ITGAV: variants seen among roughly 807,000 people sequenced by gnomAD.
ITGAV encodes the protein integrin subunit alpha V, also known as integrin alpha-V.
ITGAV carries 76 observed loss-of-function variants against 143.8 expected under a neutral mutation model. The observed-to-expected ratio is 0.53, with a 90% CI of 0.44 to 0.64. The LOEUF (loss-of-function observed/expected upper bound fraction) is 0.64, where lower values mean the gene tolerates loss of function less well. Among genes scored for constraint, ITGAV ranks in the 30% least tolerant of loss-of-function variants. The probability of loss-of-function intolerance (pLI) is 0.00; values close to 1 mark genes in which losing one functional copy is unlikely to be tolerated. For missense variants in ITGAV, 1,193 were observed against 1,274.7 expected, an observed-to-expected ratio of 0.94 and a Z score of 0.98; for synonymous variants, 453 against 446.7, an observed-to-expected ratio of 1.01 and a Z score of -0.18.
intron 2 of ITGAV, among the ~76,000 whole-genome samples, chr2:186,610,525 A>G (rs780775374): frequency 3.9e-5 from 6 of 152,156 alleles, no homozygotes; most frequent in Non-Finnish European, 7.3e-5. Context: ...AAATATTACA[A>G]CTTGCTTTTG....
chr2:186,616,562 G>A (rs1340147027), intron 2 of ITGAV, among the ~76,000 whole-genome samples: 2 of 152,086 alleles, frequency 1.3e-5, no homozygotes, highest in African/African-American at 4.8e-5. Context: ...ACAGGCGCGA[G>A]CCACCGCGCC....
intron 13 of ITGAV, among the ~76,000 whole-genome samples, chr2:186,648,525 C>G (rs1025386821): frequency 2.6e-5 from 4 of 152,140 alleles, no homozygotes; most frequent in Non-Finnish European, 5.9e-5. Flanking sequence ...AGTGCAGTGG[C>G]GTGATCTCAG....
chr2:186,651,912 C>T, intron 14 of ITGAV, 70 bp from the exon 15 acceptor site: 1 of 898,018 alleles, frequency 1.1e-6, no homozygotes, highest in East Asian at 2.6e-5. Flanking sequence ...GAATATGAAC[C>T]AAAAATATTT....
intron 1 of ITGAV, among the ~76,000 whole-genome samples, chr2:186,595,758 T>G (rs372507754): frequency 6.6e-6 from 1 of 151,764 alleles, no homozygotes; most frequent in East Asian, 1.9e-4. Context: ...GGAAATGGAG[T>G]CTATCAGGAG....
chr2:186,667,907 G>T (rs1688944868), intron 24 of ITGAV, 131 bp downstream of exon 24: 1 of 424,244 alleles, frequency 2.4e-6, no homozygotes, highest in Non-Finnish European at 4.2e-6. Flanking sequence ...ATGTGTCAGA[G>T]ATTTCTTTGA....
chr2:186,642,543 T>C (rs1236746340), intron 12 of ITGAV, among the ~76,000 whole-genome samples: 11 of 149,238 alleles, frequency 7.4e-5, no homozygotes, highest in African/African-American at 2.7e-4. Flanking sequence ...TTCTTTTTTT[T>C]TTTTTTTTTG....
At chr2:186,660,042 G>A (rs1395961868) in intron 18 of ITGAV, among the ~76,000 whole-genome samples, 1 of 151,894 alleles carries the variant, frequency 6.6e-6, no homozygotes, top group Non-Finnish European at 1.5e-5. Context: ...ATGACCATCT[G>A]AGCCTCTTAA....
At chr2:186,616,440 G>A (rs889142060) in intron 2 of ITGAV, among the ~76,000 whole-genome samples, 4 of 151,488 alleles carry the variant, frequency 2.6e-5, no homozygotes, top group Non-Finnish European at 2.9e-5. Flanking sequence ...CAGCACGCCC[G>A]GCTAATTTTT....
chr2:186,626,376 G>T (rs937807080), intron 4 of ITGAV, among the ~76,000 whole-genome samples: 1 of 152,178 alleles, frequency 6.6e-6, no homozygotes, highest in Non-Finnish European at 1.5e-5. Context: ...ATTGGCTACT[G>T]CTTTAGATCT....
intron 1 of ITGAV, among the ~76,000 whole-genome samples, chr2:186,599,223 T>C (rs1353690216): frequency 6.6e-6 from 1 of 152,234 alleles, no homozygotes; most frequent in Non-Finnish European, 1.5e-5. Flanking sequence ...TATTTCCTCC[T>C]ATATTTCAAT....
intron 18 of ITGAV, among the ~76,000 whole-genome samples, chr2:186,662,261 A>G (rs1688768582): frequency 6.6e-6 from 1 of 152,228 alleles, no homozygotes; most frequent in Non-Finnish European, 1.5e-5. Context: ...GGCATGATGT[A>G]AAGAATCACC....
chr2:186,675,291 T>A (rs1383039057), intron 26 of ITGAV, among the ~76,000 whole-genome samples: 2 of 152,212 alleles, frequency 1.3e-5, no homozygotes, highest in Admixed American at 1.3e-4. Context: ...TAAAGAATAT[T>A]GAGTTCTAGT....
intron 2 of ITGAV, among the ~76,000 whole-genome samples, chr2:186,610,745 A>G (rs778249336): frequency 1.3e-5 from 2 of 152,200 alleles, no homozygotes; most frequent in Non-Finnish European, 2.9e-5. Flanking sequence ...GTCTAAGATG[A>G]TTGATAGGTA....
chr2:186,625,071 T>C lies in ITGAV; in HGVS notation c.409-402T>C, dbSNP rs185511285. ...AAGGTATAGGATAGGTTTGATTAATTTCTATGAATGCTTTGAAAGTTGGCC... is the reference window on the plus strand; with the variant it reads ...AAGGTATAGGATAGGTTTGATTAATCTCTATGAATGCTTTGAAAGTTGGCC... On this transcript the variant is annotated intron_variant, in intron 3 of 29. Coordinates refer to ENST00000261023, the MANE Select transcript of ITGAV (RefSeq NM_002210.5). 1.3e-3 allele frequency among the ~76,000 whole-genome samples: 192 copies of C among 152,268 alleles called. 1 individual carries two copies. The highest frequency in any genetic ancestry group is 4.4e-3 in the African/African-American group (184 of 41,534).
At chr2:186,668,615 A>G in intron 24 of ITGAV, 147 bp from the exon 25 acceptor site, 1 of 650,398 alleles carries the variant, frequency 1.5e-6, no homozygotes, top group South Asian at 1.9e-5. Flanking sequence ...TTGCATAAAA[A>G]TGGTCACATT....
chr2:186,641,781 T>C, intron 12 of ITGAV, 193 bp downstream of exon 12: 2 of 580,762 alleles, frequency 3.4e-6, no homozygotes, highest in Non-Finnish European at 6.1e-6. Flanking sequence ...AAGATTTCAA[T>C]AATGGACTCT....
chr2:186,600,298 T>TCCCCCCCCC, intron 1 of ITGAV: 2 of 1,528,524 alleles, frequency 1.3e-6, no homozygotes, highest in Admixed American at 2.0e-5. Flanking sequence ...ACTTCCCTCA[T>TCCCCCCCCC]CCCCACCCCC....
In ITGAV at chr2:186,637,259, A is replaced by T. The variant is rs2105705519; in HGVS notation, c.802+150A>T. 4 of 651,804 alleles carry T rather than the reference A, an allele frequency of 6.1e-6. No homozygotes were observed. The South Asian group carries it at 6.9e-5, about 11-fold the overall frequency. 40.4% of individuals were successfully genotyped at this position (651,804 alleles called of 1,614,324 possible). On this transcript the variant is annotated intron_variant, in intron 8 of 29. Transcript: ENST00000261023. ...CACTTTGGGAGGCTGAGGCGGGTGG[A>T]TCCCTTGAGCCCTGGAGTTCAAGAA... is the stretch of plus-strand genomic sequence containing the variant.
chr2:186,590,552 G>A, intron 1 of ITGAV, 29 bp downstream of exon 1: 1 of 1,588,864 alleles, frequency 6.3e-7, no homozygotes, highest in South Asian at 1.1e-5. Flanking sequence ...AACTGGAGCC[G>A]GCCCCCTCCC....
Sources: allele counts gnomAD v4.1 joint callset (sites outside exome capture counted in the v4.1 genomes callset), GRCh38; gene constraint gnomAD v4.1.1; transcripts MANE v1.5; gene names NCBI Gene and HGNC (gene_info 2026-07-23, HGNC 2026-07-21).